Variants in FAAH2 observed in about 807,000 individuals in gnomAD.
The protein encoded by FAAH2 is fatty acid amide hydrolase 2.
In FAAH2, 60 loss-of-function variants were observed where a neutral mutation model predicts 36.9. That is an observed-to-expected ratio of 1.63 (90% confidence interval 1.32 to 2.02). FAAH2 has a LOEUF of 2.02. Among genes scored for constraint, FAAH2 ranks in the 30% most tolerant of loss-of-function variants. FAAH2 has a pLI of 0.00. For synonymous variants in FAAH2, 214 were observed against 143.8 expected, an observed-to-expected ratio of 1.49 and a Z score of -3.49; for missense variants, 689 against 397.5, an observed-to-expected ratio of 1.73 and a Z score of -6.23.
chrX:57,346,766 G>C (rs776649751), intron 5 of FAAH2, among the ~76,000 whole-genome samples: 1 of 111,584 alleles, frequency 9.0e-6, no homozygotes, highest in Non-Finnish European at 1.9e-5. Context: ...CCCTTTTAAG[G>C]TTGGTCTGGT....
intron 1 of FAAH2, among the ~76,000 whole-genome samples, chrX:57,289,444 A>G (rs1045303867): frequency 5.4e-5 from 6 of 111,160 alleles, no homozygotes; most frequent in Non-Finnish European, 9.4e-5. Context: ...ACTTATGGCC[A>G]CCATCATACA....
intron 3 of FAAH2, among the ~76,000 whole-genome samples, chrX:57,325,109 G>A (rs746701557): frequency 4.5e-5 from 5 of 112,149 alleles, no homozygotes; most frequent in African/African-American, 1.3e-4. Context: ...AATGGTTTTT[G>A]TTGTTGGTTC....
the FAAH2 span, among the ~76,000 whole-genome samples, chrX:57,176,922 G>A: frequency 9.9e-5 from 11 of 110,869 alleles, no homozygotes; most frequent in Non-Finnish European, 1.9e-4. Context: ...GTAGTGATGT[G>A]CTAGAGGCGT....
the FAAH2 span, among the ~76,000 whole-genome samples, chrX:57,243,742 G>T: frequency 2.8e-4 from 31 of 111,118 alleles, no homozygotes; most frequent in African/African-American, 9.8e-4. Context: ...CCATCCAAAG[G>T]TCACCAACAT....
intron 3 of FAAH2, among the ~76,000 whole-genome samples, chrX:57,329,140 T>TGCTG (rs1175220565): frequency 8.9e-6 from 1 of 112,242 alleles, no homozygotes; most frequent in African/African-American, 3.2e-5. Context: ...GGTACCAGGG[T>TGCTG]GCTGACCTTT....
At chrX:57,336,973 A>AC (rs1236676709) in intron 4 of FAAH2, among the ~76,000 whole-genome samples, 1 of 2,669 alleles carries the variant, frequency 3.7e-4, no homozygotes, top group Admixed American at 8.2e-3. Flanking sequence ...CTTTTGAAAA[A>AC]AAAAATAAAT....
the FAAH2 span, among the ~76,000 whole-genome samples, chrX:57,190,639 G>C: frequency 9.1e-6 from 1 of 110,153 alleles, no homozygotes; most frequent in South Asian, 4.0e-4. Context: ...CCTTTGGCTG[G>C]GAAAGGGAAG....
chrX:57,278,772 AAC>A, the FAAH2 span, among the ~76,000 whole-genome samples: 1 of 112,163 alleles, frequency 8.9e-6, no homozygotes, highest in Non-Finnish European at 1.9e-5. Flanking sequence ...AAAACAAAAA[AAC>A]ACATTAAAAT....
chrX:57,253,995 T>C, the FAAH2 span, among the ~76,000 whole-genome samples: 1 of 110,670 alleles, frequency 9.0e-6, no homozygotes, highest in Non-Finnish European at 1.9e-5. Context: ...TCTGGCAAAT[T>C]AGATAAAGAG....
chrX:57,459,605 G>A (rs892959483), intron 10 of FAAH2, among the ~76,000 whole-genome samples: 1 of 112,047 alleles, frequency 8.9e-6, no homozygotes, highest in African/African-American at 3.2e-5. Flanking sequence ...GCTCTGGCTG[G>A]CATAAAGCCA....
At chrX:57,216,598 G>GTATATATATACGTATATATATATACGTA in the FAAH2 span, among the ~76,000 whole-genome samples, 9 of 4,689 alleles carry the variant, frequency 1.9e-3, 2 homozygotes, top group South Asian at 0.022. Context: ...GTATATATAT[G>GTATATATATACGTATATATATATACGTA]TATATATATA....
chrX:57,320,222 G>A (rs569203017), intron 3 of FAAH2, among the ~76,000 whole-genome samples: 100 of 112,007 alleles, frequency 8.9e-4, no homozygotes, highest in Non-Finnish European at 1.7e-3. Context: ...TATCATCATA[G>A]TGAACAGGCA....
intron 10 of FAAH2, among the ~76,000 whole-genome samples, chrX:57,478,849 C>A (rs891537947): frequency 1.8e-5 from 2 of 111,345 alleles, no homozygotes; most frequent in Non-Finnish European, 3.8e-5. Context: ...TGATGTATAT[C>A]TCTGTTTTGG....
intron 7 of FAAH2, chrX:57,394,246 A>G (rs2055238132): frequency 2.7e-6 from 2 of 745,300 alleles, no homozygotes; most frequent in Non-Finnish European, 4.2e-6. Context: ...TCTGGTAAAG[A>G]TGGGCAAGAA....
the FAAH2 span, among the ~76,000 whole-genome samples, chrX:57,154,752 TTGTTA>T: frequency 1.8e-5 from 2 of 110,782 alleles, no homozygotes; most frequent in African/African-American, 6.6e-5. Context: ...CAACCTTGTT[TTGTTA>T]TATTTCCAGA....
the FAAH2 span, among the ~76,000 whole-genome samples, chrX:57,170,560 T>A: frequency 9.0e-5 from 10 of 111,619 alleles, no homozygotes; most frequent in Non-Finnish European, 1.1e-4. Flanking sequence ...TTGTACCCAA[T>A]AAGTAGTTTT....
At chrX:57,443,974 G>A (rs908146668) in intron 8 of FAAH2, among the ~76,000 whole-genome samples, 3 of 111,854 alleles carry the variant, frequency 2.7e-5, no homozygotes, top group Non-Finnish European at 5.6e-5. Context: ...TCCTCTGGAA[G>A]CTTCATCTCA....
At chrX:57,428,595 A>G (rs2056218131) in intron 7 of FAAH2, among the ~76,000 whole-genome samples, 1 of 112,179 alleles carries the variant, frequency 8.9e-6, no homozygotes, top group African/African-American at 3.2e-5. Context: ...CCACATAACT[A>G]CAGCCAACTG....
chrX:57,179,482 G>C, the FAAH2 span, among the ~76,000 whole-genome samples: 1 of 111,809 alleles, frequency 8.9e-6, no homozygotes, highest in African/African-American at 3.3e-5. Flanking sequence ...CCTAATTTCA[G>C]ACAAAACAGA....
Sources: gnomAD v4.1 joint callset for allele counts (sites outside exome capture counted in the v4.1 genomes callset) on GRCh38, gnomAD v4.1.1 for gene constraint, MANE v1.5 for transcripts, NCBI Gene and HGNC (gene_info 2026-07-23, HGNC 2026-07-21) for gene names.